The following WDR70 variants were observed in gnomAD, a reference collection of about 807,000 sequenced individuals.
WDR70 encodes WD repeat-containing protein 70.
A neutral mutation model predicts 88.6 loss-of-function variants in WDR70; 53 were observed. The ratio of observed to expected loss-of-function variants is 0.60; its 90% CI spans 0.48 to 0.75. The LOEUF is 0.75. WDR70 is among the 30% of genes least tolerant of loss of function. WDR70 has a pLI of 0.00. For missense variants in WDR70, 610 were observed against 823.2 expected (o/e 0.74, Z 3.17); for synonymous variants, 280 against 270.0 (o/e 1.04, Z -0.36).
rs1302556865 is a variant in WDR70 at position 37,752,581 on chromosome 5, C to T, written c.*8C>T. On this transcript the variant is annotated 3_prime_UTR_variant, in exon 18 of 18. Coordinates refer to ENST00000265107, the MANE Select transcript of WDR70 (RefSeq NM_018034.4). ...AAAAAACGTAAAATTTGAAGAATCT[C>T]ATTTGAGAGCTGTTTGCATGAGTGG... The T allele has an allele frequency of 6.2e-7, 1 of 1,602,976 alleles. No homozygotes were observed. The highest frequency in any genetic ancestry group is 1.3e-5 in the African/African-American group (1 of 74,502).
At position 37,479,979 on chromosome 5, in the gene WDR70, A is replaced by C. The variant is rs186444056; in HGVS notation, c.832A>C (p.Asn278His). 1.2e-6 allele frequency: 2 copies of C among 1,612,226 alleles called. No homozygotes were observed. The highest frequency in any genetic ancestry group is 2.2e-5 in the East Asian group (1 of 44,852). ...AGACCAGTATATTGTGGACATGGCC[A>C]ACACCAAGGTAAGCATTAAACAGAA... ...KGDQYIVDMA[N>H]TKGHTAMLHT... The change falls in exon 8 of 18, where the codon AAC (asparagine) becomes CAC (histidine). Residue 278 changes from asparagine to histidine, a missense_variant. This residue lies in a region of WDR70 where 83 missense variants were observed against 155.3 expected (regional missense o/e 0.53). Coordinates refer to ENST00000265107, the MANE Select transcript of WDR70 (RefSeq NM_018034.4).
chr5:37,619,209 T>G (rs949218305), intron 10 of WDR70, among the ~76,000 whole-genome samples: 3 of 152,146 alleles, frequency 2.0e-5, no homozygotes, highest in Non-Finnish European at 4.4e-5. Flanking sequence ...TCTAGCCAAT[T>G]TTGATCAGTT....
rs1226810434 is a variant in WDR70 at position 37,438,035 on chromosome 5, A to G, written c.552+54A>G. The G allele has an allele frequency of 3.4e-6, 5 of 1,461,312 alleles. No individual in the cohort carries two copies. The African/African-American group carries it at 4.2e-5, about 12-fold the overall frequency. 90.5% of individuals were successfully genotyped at this position (1,461,312 alleles called of 1,614,324 possible). On this transcript the variant is annotated intron_variant, in intron 6 of 17. Coordinates refer to ENST00000265107, the MANE Select transcript of WDR70 (RefSeq NM_018034.4). ...TCTCAAATTACAGGGCTGTCATGGA[A>G]AAGTGAACTGATAAGATACATTTGT...
chr5:37,708,061 C>T (rs868144108), intron 13 of WDR70, among the ~76,000 whole-genome samples: 5 of 129,184 alleles, frequency 3.9e-5, no homozygotes, highest in Middle Eastern at 4.9e-3. Context: ...AAGAAAAAAC[C>T]TCATTTTTGA....
intron 9 of WDR70, among the ~76,000 whole-genome samples, chr5:37,586,557 CT>C (rs1423804478): frequency 6.6e-6 from 1 of 152,142 alleles, no homozygotes; most frequent in African/African-American, 2.4e-5. Flanking sequence ...TCTCCCTCCC[CT>C]AGCCCCCCAC....
At chr5:37,410,331 G>T (rs531132766) in intron 5 of WDR70, among the ~76,000 whole-genome samples, 7 of 151,376 alleles carry the variant, frequency 4.6e-5, no homozygotes, top group Admixed American at 1.3e-4. Flanking sequence ...CAGCCACTGT[G>T]CCTGGCCTGA....
In WDR70 at chr5:37,724,923, A is replaced by T. The variant is rs1299439094; in HGVS notation, c.1598-11A>T. ...GTTATAATGAAATTTTTCAAATGTG[A>T]CTTCTTGTAGCTCATGCCTTGCCTA... is the stretch of plus-strand genomic sequence containing the variant. On this transcript the variant is annotated splice_polypyrimidine_tract_variant and intron_variant, in intron 15 of 17. Coordinates refer to ENST00000265107, the MANE Select transcript of WDR70 (RefSeq NM_018034.4). 6.2e-7 allele frequency: 1 copy of T among 1,611,932 alleles called. No homozygotes were observed. Among genetic ancestry groups the T allele is most frequent in the Non-Finnish European group, 8.5e-7 (1 of 1,178,782 alleles).
At chr5:37,542,644 G>A (rs950304668) in intron 9 of WDR70, among the ~76,000 whole-genome samples, 4 of 152,050 alleles carry the variant, frequency 2.6e-5, no homozygotes, top group Non-Finnish European at 5.9e-5. Flanking sequence ...AGAAAGAGAG[G>A]TAAGGAACTG....
intron 9 of WDR70, among the ~76,000 whole-genome samples, chr5:37,539,398 C>T (rs1378882474): frequency 6.6e-6 from 1 of 152,046 alleles, no homozygotes; most frequent in Non-Finnish European, 1.5e-5. Flanking sequence ...ACAAAGACAC[C>T]AGGGATGCAC....
chr5:37,735,182 A>G (rs1748265457), intron 17 of WDR70, among the ~76,000 whole-genome samples: 1 of 152,020 alleles, frequency 6.6e-6, no homozygotes, highest in Admixed American at 6.6e-5. Context: ...GGTAATTAAT[A>G]TTTTCTTGGA....
Position 37,687,032 on chromosome 5 carries a change from G to A in WDR70, c.1093-10623G>A, listed in dbSNP as rs554576537. Among the ~76,000 whole-genome samples, 7 of 151,808 alleles carry A rather than the reference G, an allele frequency of 4.6e-5. 1 individual carries two copies. The South Asian group carries it at 1.0e-3, about 23-fold the overall frequency. The stretch of plus-strand genomic sequence containing the variant: ...TATCAATCTCAGCTTCCTAAAGAAC[G>A]ATATTCTTTGCTTAGGATGATTATA... On this transcript the variant is annotated intron_variant, in intron 10 of 17. Coordinates refer to ENST00000265107, the MANE Select transcript of WDR70 (RefSeq NM_018034.4).
intron 9 of WDR70, among the ~76,000 whole-genome samples, chr5:37,570,305 G>T (rs1011197120): frequency 6.6e-6 from 1 of 152,072 alleles, no homozygotes; most frequent in African/African-American, 2.4e-5. Flanking sequence ...AGGTGGAGGG[G>T]TATCACAGCA....
intron 10 of WDR70, among the ~76,000 whole-genome samples, chr5:37,678,223 C>T (rs997038906): frequency 7.9e-5 from 12 of 152,248 alleles, no homozygotes; most frequent in African/African-American, 2.6e-4. Context: ...AGCATTTAGC[C>T]CATTTACATT....
chr5:37,653,671 G>T (rs1223757057), intron 10 of WDR70, among the ~76,000 whole-genome samples: 26 of 152,056 alleles, frequency 1.7e-4, no homozygotes, highest in Admixed American at 1.7e-3. Context: ...GTCATGGGAG[G>T]GTGTATGTGT....
At chr5:37,617,702 G>A (rs1384222712) in intron 10 of WDR70, among the ~76,000 whole-genome samples, 2 of 152,278 alleles carry the variant, frequency 1.3e-5, no homozygotes, top group South Asian at 2.1e-4. Flanking sequence ...GACTTGATAA[G>A]TATTTGTTGA....
intron 3 of WDR70, 30 bp downstream of exon 3, chr5:37,381,715 T>C (rs772210365): frequency 1.9e-6 from 3 of 1,594,406 alleles, no homozygotes; most frequent in Admixed American, 1.7e-5. Flanking sequence ...GTTCTTTTAT[T>C]GGTTTAAGTA....
At chr5:37,487,322 T>C (rs1739903273) in intron 8 of WDR70, among the ~76,000 whole-genome samples, 1 of 152,066 alleles carries the variant, frequency 6.6e-6, no homozygotes, top group Non-Finnish European at 1.5e-5. Context: ...GTAATTCAAC[T>C]ACTATTACTT....
intron 5 of WDR70, among the ~76,000 whole-genome samples, chr5:37,432,214 T>A (rs1034877089): frequency 6.6e-6 from 1 of 152,222 alleles, no homozygotes; most frequent in African/African-American, 2.4e-5. Context: ...TTACCAACAC[T>A]TGTTATTTTC....
At chr5:37,393,399 C>T (rs1262343354) in intron 4 of WDR70, among the ~76,000 whole-genome samples, 1 of 151,806 alleles carries the variant, frequency 6.6e-6, no homozygotes, top group Non-Finnish European at 1.5e-5. Flanking sequence ...TTTTTTATTT[C>T]CTCTAATAAT....
Sources: gnomAD v4.1 joint callset for allele counts (sites outside exome capture counted in the v4.1 genomes callset) on GRCh38, gnomAD v4.1.1 for gene constraint, gnomAD v4.1.1 regional missense constraint, MANE v1.5 for transcripts, NCBI Gene and HGNC (gene_info 2026-07-23, HGNC 2026-07-21) for gene names.